The following RARB variants were observed in gnomAD, a reference collection of about 807,000 sequenced individuals.
RARB encodes HBV-activated protein.
Under a neutral mutation model 51.9 loss-of-function variants are expected in RARB, and 17 were observed. The ratio of observed to expected loss-of-function variants is 0.33; its 90% CI spans 0.22 to 0.49. The LOEUF is 0.49. Ranked by LOEUF, RARB falls within the 20% of genes least tolerant of loss-of-function variation. The probability of loss-of-function intolerance (pLI) is 0.99; values close to 1 mark genes in which losing one functional copy is unlikely to be tolerated. For missense variants in RARB, 369 were observed against 550.8 expected (o/e 0.67, Z 3.30); for synonymous variants, 215 against 195.4 (o/e 1.10, Z -0.84).
intron 2 of RARB, among the ~76,000 whole-genome samples, chr3:24,885,552 T>C (rs1051978861): frequency 7.2e-5 from 11 of 152,216 alleles, no homozygotes; most frequent in African/African-American, 2.7e-4. Context: ...CCGTCTAGCA[T>C]AGCTATAGTG....
At chr3:25,117,468 A>C (rs1344131867) in intron 3 of RARB, among the ~76,000 whole-genome samples, 1 of 152,204 alleles carries the variant, frequency 6.6e-6, no homozygotes, top group Non-Finnish European at 1.5e-5. Flanking sequence ...ATTCCAATTT[A>C]CCAGGGACAT....
intron 2 of RARB, among the ~76,000 whole-genome samples, chr3:24,986,527 T>C (rs1210337918): frequency 6.6e-6 from 1 of 152,228 alleles, no homozygotes; most frequent in African/African-American, 2.4e-5. Flanking sequence ...ATGGGTTTTG[T>C]GGTTTTAGTT....
intron 5 of RARB, among the ~76,000 whole-genome samples, chr3:25,275,866 A>G (rs1255392340): frequency 6.6e-6 from 1 of 152,258 alleles, no homozygotes; most frequent in African/African-American, 2.4e-5. Context: ...TGGTACATGT[A>G]TACATATGTA....
chr3:25,469,059 C>T (rs925833660), intron 2 of RARB, among the ~76,000 whole-genome samples: 9 of 152,212 alleles, frequency 5.9e-5, no homozygotes, highest in Admixed American at 2.6e-4. Flanking sequence ...ACTCCACTAG[C>T]CCCCTCAGTC....
chr3:25,365,469 C>A (rs761893955), intron 5 of RARB, among the ~76,000 whole-genome samples: 2 of 152,034 alleles, frequency 1.3e-5, no homozygotes, highest in Non-Finnish European at 2.9e-5. Flanking sequence ...GTTCCAGTTA[C>A]AATTGTTGTG....
chr3:25,453,192 G>A, intron 1 of RARB, among the ~76,000 whole-genome samples: 1 of 147,354 alleles, frequency 6.8e-6, no homozygotes, highest in East Asian at 2.0e-4. Context: ...AAGGGGTCTT[G>A]TTAGGATGCC....
intron 4 of RARB, among the ~76,000 whole-genome samples, chr3:25,136,803 G>A (rs1429938862): frequency 1.3e-5 from 2 of 151,904 alleles, no homozygotes; most frequent in African/African-American, 4.8e-5. Context: ...AACCATCCTT[G>A]GCTTAGAAGT....
intron 5 of RARB, among the ~76,000 whole-genome samples, chr3:25,322,872 A>G (rs78300818): frequency 6.6e-5 from 10 of 152,322 alleles, no homozygotes; most frequent in Admixed American, 1.3e-4. Context: ...TCAGTGATCT[A>G]TTGCTGTATA....
chr3:25,314,326 A>T (rs1383122693), intron 5 of RARB, among the ~76,000 whole-genome samples: 1 of 152,154 alleles, frequency 6.6e-6, no homozygotes, highest in Non-Finnish European at 1.5e-5. Context: ...CACTATGCTA[A>T]TTGGAATTTA....
chr3:25,413,593 A>G (rs535363797), intron 5 of RARB, among the ~76,000 whole-genome samples: 1 of 152,164 alleles, frequency 6.6e-6, no homozygotes, highest in Non-Finnish European at 1.5e-5. Flanking sequence ...TTCCATTCCC[A>G]CTGGCAGTAT....
chr3:25,257,513 G>A (rs1193869387), intron 5 of RARB, among the ~76,000 whole-genome samples: 1 of 152,040 alleles, frequency 6.6e-6, no homozygotes, highest in Non-Finnish European at 1.5e-5. Flanking sequence ...AGAAGAGTTG[G>A]AACTAGGGTG....
chr3:25,461,987 G>T (rs1028603148), intron 2 of RARB, among the ~76,000 whole-genome samples: 3 of 152,212 alleles, frequency 2.0e-5, no homozygotes, highest in Non-Finnish European at 4.4e-5. Flanking sequence ...GGTGTCTGTA[G>T]TTTTATCTTA....
chr3:25,410,118 C>T (rs1172653567), intron 5 of RARB, among the ~76,000 whole-genome samples: 2 of 152,204 alleles, frequency 1.3e-5, no homozygotes, highest in South Asian at 2.1e-4. Context: ...TTTGGCCAAA[C>T]AGATTCCCTA....
intron 5 of RARB, among the ~76,000 whole-genome samples, chr3:25,411,093 G>C (rs1303756589): frequency 6.6e-6 from 1 of 152,112 alleles, no homozygotes; most frequent in Non-Finnish European, 1.5e-5. Flanking sequence ...CTGAAATCGA[G>C]TTCATAGATA....
At chr3:25,074,632 A>G (rs1214917456) in intron 3 of RARB, among the ~76,000 whole-genome samples, 1 of 152,114 alleles carries the variant, frequency 6.6e-6, no homozygotes. Context: ...TTTCTCCTTT[A>G]TACAAAAAAA....
At chr3:25,250,996 T>C (rs2117968) in intron 5 of RARB, among the ~76,000 whole-genome samples, 64,769 of 151,914 alleles carry the variant, frequency 0.43, 15,620 homozygotes, top group African/African-American at 0.66. Context: ...CTTTTCTCCC[T>C]TTCATTGCCT....
intron 3 of RARB, among the ~76,000 whole-genome samples, chr3:25,098,012 G>A (rs866918818): frequency 6.6e-6 from 1 of 152,168 alleles, no homozygotes; most frequent in Non-Finnish European, 1.5e-5. Context: ...ACAGTACCAT[G>A]TGAATAAATA....
intron 5 of RARB, among the ~76,000 whole-genome samples, chr3:25,419,496 G>A (rs1183458835): frequency 6.6e-6 from 1 of 152,114 alleles, no homozygotes. Context: ...CTAAAGCTTT[G>A]GTCAAAGGAG....
intron 5 of RARB, among the ~76,000 whole-genome samples, chr3:25,379,047 G>T (rs887766654): frequency 6.6e-6 from 1 of 152,222 alleles, no homozygotes; most frequent in African/African-American, 2.4e-5. Flanking sequence ...GCAACAGCCA[G>T]CTTCTTGCAG....
Sources: allele counts gnomAD v4.1 joint callset (sites outside exome capture counted in the v4.1 genomes callset), GRCh38; gene constraint gnomAD v4.1.1; transcripts MANE v1.5; gene names NCBI Gene and HGNC (gene_info 2026-07-23, HGNC 2026-07-21).